The following LDLRAP1 variants were observed in gnomAD, a reference collection of about 807,000 sequenced individuals.
LDLRAP1 encodes low density lipoprotein receptor adapter protein 1.
In LDLRAP1, 30 loss-of-function variants were observed where a neutral mutation model predicts 37.8. The ratio of observed to expected loss-of-function variants is 0.79; its 90% CI spans 0.59 to 1.08. The LOEUF (loss-of-function observed/expected upper bound fraction) is 1.08. Ranked by LOEUF, LDLRAP1 falls within the 50% of genes least tolerant of loss-of-function variation. LDLRAP1 has a pLI of 0.00. For synonymous variants in LDLRAP1, 156 were observed against 169.8 expected (o/e 0.92, Z 0.63); for missense variants, 375 against 401.6 (o/e 0.93, Z 0.57).
At chr1:25,580,324 G>A in the LDLRAP1 span, among the ~76,000 whole-genome samples, 1 of 152,146 alleles carries the variant, frequency 6.6e-6, no homozygotes, top group Non-Finnish European at 1.5e-5. Context: ...AGCACTCTGG[G>A]AGGCTAAGGA....
chr1:25,585,479 C>A, the LDLRAP1 span, among the ~76,000 whole-genome samples: 2 of 152,112 alleles, frequency 1.3e-5, no homozygotes, highest in Non-Finnish European at 1.5e-5. Context: ...GTGCCTGCCA[C>A]CACGCCTGGC....
rs1303079507 is a variant in LDLRAP1, at chr1:25,568,051, TC to T, written c.*1061del. 1.3e-5 allele frequency: 2 copies of T among 152,760 alleles called. No individual in the cohort carries two copies. The highest frequency in any genetic ancestry group is 2.4e-5 in the African/African-American group (1 of 41,552). 9.5% of individuals were successfully genotyped at this position (152,760 alleles called of 1,614,324 possible). ...TGCCAAAGCTGCTTTCTTCTCTGCCTCCTCCTCACGCAACTCACACCTCCTT... is the reference window on the plus strand; with the variant it reads ...TGCCAAAGCTGCTTTCTTCTCTGCCTCTCCTCACGCAACTCACACCTCCTT... On this transcript the variant is annotated 3_prime_UTR_variant, in exon 9 of 9. Transcript: ENST00000374338.
chr1:25,589,624 CCTCT>C, the LDLRAP1 span, among the ~76,000 whole-genome samples: 1 of 152,088 alleles, frequency 6.6e-6, no homozygotes, highest in Non-Finnish European at 1.5e-5. Flanking sequence ...GTAAATTCTC[CCTCT>C]CTCTCTTCTT....
At chr1:25,586,426 C>G in the LDLRAP1 span, among the ~76,000 whole-genome samples, 1 of 152,296 alleles carries the variant, frequency 6.6e-6, no homozygotes, top group South Asian at 2.1e-4. This position sits in a 1 kb window ranked among gnomAD's most constrained non-coding sequence, Gnocchi z 4.3. Context: ...ACACCAGCGT[C>G]CATCAGGGCC....
At chr1:25,564,880 T>C in intron 7 of LDLRAP1, 1 of 443,978 alleles carries the variant, frequency 2.3e-6, no homozygotes. Flanking sequence ...GAGCAGTGAC[T>C]TGCCCAAGGT....
At chr1:25,582,382 C>G in the LDLRAP1 span, among the ~76,000 whole-genome samples, 18 of 151,964 alleles carry the variant, frequency 1.2e-4, no homozygotes, top group East Asian at 2.0e-4. Flanking sequence ...ATATGGAGAT[C>G]GAGACCATCC....
chr1:25,572,045 G>A (rs2044611673), downstream of LDLRAP1, among the ~76,000 whole-genome samples: 3 of 152,222 alleles, frequency 2.0e-5, no homozygotes, highest in Admixed American at 6.5e-5. Flanking sequence ...TATGGCAGCT[G>A]GGGAAGCCAG....
the LDLRAP1 span, among the ~76,000 whole-genome samples, chr1:25,577,355 T>G: frequency 6.6e-6 from 1 of 152,050 alleles, no homozygotes; most frequent in Non-Finnish European, 1.5e-5. Flanking sequence ...AGAGGGGACG[T>G]GCCAGGACCA....
In LDLRAP1 at chr1:25,555,275, G is replaced by A. The variant is rs1369406769; in HGVS notation, c.344+303G>A. 1.3e-5 allele frequency among the ~76,000 whole-genome samples: 2 copies of A among 152,202 alleles called. No homozygotes were observed. The highest frequency in any genetic ancestry group is 2.4e-5 in the African/African-American group (1 of 41,452). On this transcript the variant is annotated intron_variant, in intron 3 of 8. Coordinates refer to ENST00000374338, the MANE Select transcript of LDLRAP1 (RefSeq NM_015627.3). This position sits in a 1 kb window ranked among gnomAD's most constrained non-coding sequence, Gnocchi z 4.7. ...CCCCCCTACTCCCCACCAGCATGCCGCTGAGTCGGGCTTGGAGCAGAGAAC... is the reference window on the plus strand; with the variant it reads ...CCCCCCTACTCCCCACCAGCATGCCACTGAGTCGGGCTTGGAGCAGAGAAC...
intron 4 of LDLRAP1, among the ~76,000 whole-genome samples, chr1:25,560,291 C>G (rs2044312991): frequency 6.6e-6 from 1 of 152,132 alleles, no homozygotes; most frequent in African/African-American, 2.4e-5. Context: ...GCCTCCACAT[C>G]CCTACTCTTC....
the LDLRAP1 span, among the ~76,000 whole-genome samples, chr1:25,574,755 G>A: frequency 6.6e-6 from 1 of 152,150 alleles, no homozygotes; most frequent in Non-Finnish European, 1.5e-5. Context: ...TGGCTCCGTG[G>A]GCCTGTATGT....
chr1:25,550,159 A>T (rs1480581525), intron 1 of LDLRAP1: 3 of 152,258 alleles, frequency 2.0e-5, no homozygotes, highest in Non-Finnish European at 4.4e-5. Context: ...ATGAGGCCCC[A>T]CTGGAAGGTG....
the LDLRAP1 span, among the ~76,000 whole-genome samples, chr1:25,589,774 C>T: frequency 2.6e-5 from 4 of 152,250 alleles, no homozygotes; most frequent in South Asian, 8.3e-4. Flanking sequence ...AACTTCTTGG[C>T]CTCCATAATT....
At chr1:25,568,890 A>G (rs777962560), downstream of LDLRAP1, 1 of 152,254 alleles carries the variant, frequency 6.6e-6, no homozygotes, top group Non-Finnish European at 1.5e-5. Flanking sequence ...AACTCAAGCA[A>G]CGCTCATCAG....
chr1:25,564,470 A>G (rs2044426302), intron 7 of LDLRAP1: 1 of 156,082 alleles, frequency 6.4e-6, no homozygotes, highest in South Asian at 2.0e-4. Flanking sequence ...GAACTTACAC[A>G]TTTCTCCAGG....
chr1:25,582,039 C>T, the LDLRAP1 span, among the ~76,000 whole-genome samples: 1 of 152,180 alleles, frequency 6.6e-6, no homozygotes, highest in Non-Finnish European at 1.5e-5. Context: ...CAGGCCTGGG[C>T]TTCCCAGGGG....
rs2043893981 is a variant in LDLRAP1 at position 25,544,836 on chromosome 1, T to G, written c.88+1050T>G. 6.6e-6 allele frequency among the ~76,000 whole-genome samples: 1 copy of G among 152,324 alleles called. No individual in the cohort carries two copies. Among genetic ancestry groups the G allele is most frequent in the South Asian group, 2.1e-4 (1 of 4,824 alleles). Reference sequence around the variant, plus strand: ...GCTTCTCCCCTCATCAGGAAACAACTGACAGTACAGCACCCCCTCATCCCA... The same window carrying G: ...GCTTCTCCCCTCATCAGGAAACAACGGACAGTACAGCACCCCCTCATCCCA... On this transcript the variant is annotated intron_variant, in intron 1 of 8. Transcript: ENST00000374338. This position sits in a 1 kb window ranked among gnomAD's most constrained non-coding sequence, Gnocchi z 4.8.
intron 7 of LDLRAP1, 82 bp downstream of exon 7, chr1:25,563,873 C>T: frequency 7.5e-6 from 12 of 1,589,458 alleles, no homozygotes; most frequent in Non-Finnish European, 1.0e-5. Flanking sequence ...GGACCAGGCC[C>T]TGGGACCCGT....
rs925396711 is a variant in LDLRAP1 at position 25,555,182 on chromosome 1, G to A, written c.344+210G>A. ...GGCACCTGGCTCATGATGAGCATTT[G>A]GTTAAGTGGCAGCTGCTGCTGTCAT... On this transcript the variant is annotated intron_variant, in intron 3 of 8. Coordinates refer to ENST00000374338, the MANE Select transcript of LDLRAP1 (RefSeq NM_015627.3). The surrounding 1 kb of genome is among the most constrained non-coding windows in gnomAD (Gnocchi z 4.7). 3.3e-5 allele frequency among the ~76,000 whole-genome samples: 5 copies of A among 152,212 alleles called. No homozygotes were observed. Among genetic ancestry groups the A allele is most frequent in the Non-Finnish European group, 5.9e-5 (4 of 68,036 alleles).
Sources: gnomAD v4.1 joint callset for allele counts (sites outside exome capture counted in the v4.1 genomes callset) on GRCh38, gnomAD v4.1.1 for gene constraint, Gnocchi (gnomAD v3.1) non-coding constraint, MANE v1.5 for transcripts, NCBI Gene and HGNC (gene_info 2026-07-23, HGNC 2026-07-21) for gene names.